Variants in ADAM22 observed in about 807,000 individuals in gnomAD.
The protein encoded by ADAM22 is disintegrin and metalloproteinase domain-containing protein 22.
Under a neutral mutation model 144.6 loss-of-function variants are expected in ADAM22, and 65 were observed. That is an observed-to-expected ratio of 0.45 (90% CI 0.37 to 0.55). The LOEUF is 0.55. ADAM22 is among the 20% of genes least tolerant of loss of function. The pLI, the probability that ADAM22 is intolerant of heterozygous loss-of-function variation, is 0.00. For synonymous variants in ADAM22, 391 were observed against 412.6 expected, an observed-to-expected ratio of 0.95 and a Z score of 0.63; for missense variants, 974 against 1,184.9, an observed-to-expected ratio of 0.82 and a Z score of 2.61.
At chr7:88,108,373 G>T (rs189866873) in intron 5 of ADAM22, 115 bp downstream of exon 5, 2 of 801,368 alleles carry the variant, frequency 2.5e-6, no homozygotes, top group Non-Finnish European at 3.9e-6. Context: ...CTTTAAATTG[G>T]TGATGGATCT....
intron 3 of ADAM22, among the ~76,000 whole-genome samples, chr7:88,051,910 A>T (rs987698664): frequency 1.6e-4 from 24 of 151,658 alleles, no homozygotes; most frequent in Non-Finnish European, 2.6e-4. Context: ...TGGTAAAATT[A>T]TTTTTTGTAT....
intron 2 of ADAM22, among the ~76,000 whole-genome samples, chr7:87,937,674 G>A (rs1230895870): frequency 6.6e-6 from 1 of 152,126 alleles, no homozygotes; most frequent in Non-Finnish European, 1.5e-5. Flanking sequence ...GACTTGGGGT[G>A]GAAAGCTATT....
At chr7:87,995,047 T>C (rs1316233974) in intron 3 of ADAM22, among the ~76,000 whole-genome samples, 2 of 152,136 alleles carry the variant, frequency 1.3e-5, no homozygotes, top group Non-Finnish European at 2.9e-5. Context: ...CTCGATCTCC[T>C]GACCTCGTGA....
chr7:88,186,726 TC>T, intron 30 of ADAM22, 25 bp downstream of exon 30: 1 of 1,412,812 alleles, frequency 7.1e-7, no homozygotes, highest in Admixed American at 1.7e-5. Flanking sequence ...AATTTTTATA[TC>T]CTTCTCAAAC....
intron 3 of ADAM22, among the ~76,000 whole-genome samples, chr7:88,057,963 C>T (rs1456740309): frequency 6.6e-6 from 1 of 152,138 alleles, no homozygotes; most frequent in Non-Finnish European, 1.5e-5. Flanking sequence ...ATTATGTGCT[C>T]ATGATAGAAA....
intron 2 of ADAM22, among the ~76,000 whole-genome samples, chr7:87,943,766 C>T (rs1842921551): frequency 6.6e-6 from 1 of 152,168 alleles, no homozygotes; most frequent in South Asian, 2.1e-4. Context: ...ATCATTCTCC[C>T]CTACCCCTAA....
intron 23 of ADAM22, among the ~76,000 whole-genome samples, chr7:88,165,108 A>C (rs892635046): frequency 6.6e-6 from 1 of 152,086 alleles, no homozygotes; most frequent in Non-Finnish European, 1.5e-5. Flanking sequence ...CTCATCTTCA[A>C]CCTAACTTAA....
At chr7:88,100,083 G>A (rs1321320546) in intron 4 of ADAM22, among the ~76,000 whole-genome samples, 2 of 152,002 alleles carry the variant, frequency 1.3e-5, no homozygotes, top group Non-Finnish European at 2.9e-5. Context: ...ATATACTAAA[G>A]AAATATAAGA....
At chr7:87,964,077 T>C (rs1848555855) in intron 2 of ADAM22, among the ~76,000 whole-genome samples, 1 of 152,228 alleles carries the variant, frequency 6.6e-6, no homozygotes, top group Non-Finnish European at 1.5e-5. Context: ...TTACTATGTC[T>C]TAAGTCTGTA....
chr7:87,961,950 A>G (rs1486623112), intron 2 of ADAM22, among the ~76,000 whole-genome samples: 3 of 152,218 alleles, frequency 2.0e-5, no homozygotes, highest in Admixed American at 1.3e-4. Context: ...GGAATGAATC[A>G]TATAACTCAT....
intron 3 of ADAM22, among the ~76,000 whole-genome samples, chr7:88,028,760 CTTCT>C (rs1372355062): frequency 1.3e-5 from 2 of 151,438 alleles, no homozygotes; most frequent in African/African-American, 4.9e-5. Context: ...ATATAATGAC[CTTCT>C]TTGTCTCTTT....
chr7:88,011,618 A>G (rs779152476), intron 3 of ADAM22, among the ~76,000 whole-genome samples: 9 of 152,078 alleles, frequency 5.9e-5, no homozygotes, highest in Non-Finnish European at 1.0e-4. Flanking sequence ...TTGTTGGAGA[A>G]TATTAATAGT....
intron 3 of ADAM22, among the ~76,000 whole-genome samples, chr7:87,979,343 A>C (rs1175506321): frequency 6.6e-5 from 10 of 152,154 alleles, no homozygotes; most frequent in Admixed American, 5.2e-4. Flanking sequence ...TGGCTGTTTA[A>C]ATTTACATTA....
intron 26 of ADAM22, among the ~76,000 whole-genome samples, chr7:88,177,833 A>G (rs1272507571): frequency 6.6e-6 from 1 of 152,244 alleles, no homozygotes; most frequent in Non-Finnish European, 1.5e-5. Context: ...ATGGTAAATA[A>G]GGAGAAACCA....
At chr7:88,184,258 C>T in intron 29 of ADAM22, 1 of 303,608 alleles carries the variant, frequency 3.3e-6, no homozygotes, top group Non-Finnish European at 6.7e-6. Flanking sequence ...CATTTTTTGG[C>T]TTAGACTTTG....
At chr7:88,077,768 A>G (rs1163543199) in intron 4 of ADAM22, among the ~76,000 whole-genome samples, 5 of 152,198 alleles carry the variant, frequency 3.3e-5, no homozygotes. Flanking sequence ...TCTGAGATCA[A>G]ACTGCAAGGT....
At chr7:88,181,445 G>T in intron 27 of ADAM22, 60 bp from the exon 28 acceptor site, 1 of 1,437,810 alleles carries the variant, frequency 7.0e-7, no homozygotes, top group South Asian at 1.2e-5. Flanking sequence ...TTTGCTTACT[G>T]ATCTCAAAAC....
At chr7:87,935,845 T>A (rs528149591) in intron 2 of ADAM22, among the ~76,000 whole-genome samples, 1 of 152,370 alleles carries the variant, frequency 6.6e-6, no homozygotes, top group South Asian at 2.1e-4. Flanking sequence ...TTTTTATCAC[T>A]GTATCTGTAT....
rs923465255 is a variant in ADAM22, at chr7:87,973,467, G to A, written c.247-4869G>A. Among the ~76,000 whole-genome samples the A allele has an allele frequency of 2.4e-4, 36 of 152,034 alleles. 1 individual carries two copies. Among genetic ancestry groups the A allele is most frequent in the South Asian group, 8.3e-4 (4 of 4,802 alleles). On this transcript the variant is annotated intron_variant, in intron 2 of 31. Coordinates refer to ENST00000413139, the MANE Select transcript of ADAM22 (RefSeq NM_001324418.2). ...GTGCTGGAGAGGATGTGGAGAAATA[G>A]GAACACTTTTACACTGTTGGTGGGA...
Sources: gnomAD v4.1 joint callset for allele counts (sites outside exome capture counted in the v4.1 genomes callset) on GRCh38, gnomAD v4.1.1 for gene constraint, MANE v1.5 for transcripts, NCBI Gene and HGNC (gene_info 2026-07-23, HGNC 2026-07-21) for gene names.